Variants in PRDM16 observed in about 807,000 individuals in gnomAD.
The protein encoded by PRDM16 is histone-lysine N-methyltransferase PRDM16.
PRDM16 carries 23 observed loss-of-function variants against 110.6 expected under a neutral mutation model. The ratio of observed to expected loss-of-function variants is 0.21; its 90% CI spans 0.15 to 0.29. The LOEUF (loss-of-function observed/expected upper bound fraction) is 0.29. PRDM16 is among the 10% of genes least tolerant of loss of function. The pLI, the probability that PRDM16 is intolerant of heterozygous loss-of-function variation, is 1.00. For missense variants in PRDM16, 1,615 were observed against 1,794.3 expected (o/e 0.90, Z 1.81); for synonymous variants, 799 against 781.8 (o/e 1.02, Z -0.37).
chr1:3,400,602 C>T (rs750099971), intron 5 of PRDM16, among the ~76,000 whole-genome samples: 4 of 152,158 alleles, frequency 2.6e-5, no homozygotes, highest in Admixed American at 6.5e-5. Flanking sequence ...AGGTTTGGGA[C>T]GGAGCCCTCC....
chr1:3,435,515 T>G lies in PRDM16; in HGVS notation c.*1704T>G. 1 of 231,786 alleles carries G rather than the reference T, an allele frequency of 4.3e-6. No homozygotes were observed. Among genetic ancestry groups the G allele is most frequent in the Non-Finnish European group, 8.5e-6 (1 of 117,102 alleles). The allele number at this position is 231,786 out of a possible 1,614,324, so 14.4% of individuals were successfully genotyped here. On this transcript the variant is annotated 3_prime_UTR_variant, in exon 17 of 17. Coordinates refer to ENST00000270722, the MANE Select transcript of PRDM16 (RefSeq NM_022114.4). ...ACATTTGCATTTAAGACAAGTGTTCTATTTATTTCTTGTATTGTTTGGAAG... is the reference window on the plus strand; with the variant it reads ...ACATTTGCATTTAAGACAAGTGTTCGATTTATTTCTTGTATTGTTTGGAAG...
intron 2 of PRDM16, among the ~76,000 whole-genome samples, chr1:3,242,204 T>G (rs187202750): frequency 1.5e-3 from 235 of 152,298 alleles, no homozygotes; most frequent in Non-Finnish European, 2.3e-3. Flanking sequence ...GCCCTCTCGC[T>G]GGTGGTGTCT....
At position 3,162,703 on chromosome 1, in the gene PRDM16, C is replaced by T. The variant is rs186071928; in HGVS notation, c.38-23422C>T. Among the ~76,000 whole-genome samples the T allele has an allele frequency of 4.7e-3, 714 of 152,336 alleles. 4 individuals carry two copies. Among genetic ancestry groups the T allele is most frequent in the African/African-American group, 0.016 (667 of 41,566 alleles). ...GGTGTGGAAAACGCGGAGCCAGGCTCGGTCGGCAGCCACGCCCCCTCCTTC... is the reference window on the plus strand; with the variant it reads ...GGTGTGGAAAACGCGGAGCCAGGCTTGGTCGGCAGCCACGCCCCCTCCTTC... On this transcript the variant is annotated intron_variant, in intron 1 of 16. Coordinates refer to ENST00000270722, the MANE Select transcript of PRDM16 (RefSeq NM_022114.4).
chr1:3,291,706 C>T (rs1045719643), intron 3 of PRDM16, among the ~76,000 whole-genome samples: 4 of 152,254 alleles, frequency 2.6e-5, no homozygotes, highest in Admixed American at 6.5e-5. Context: ...CTTGGCAGTG[C>T]GGGGGAGCTT....
rs939647926 is a variant in PRDM16 at position 3,434,846 on chromosome 1, G to T, written c.*1035G>T. On this transcript the variant is annotated 3_prime_UTR_variant, in exon 17 of 17. Transcript: ENST00000270722. ...CCCAGCGCCGTCCTCTGAAGGCAGG[G>T]CCTTGGCCACGTCCTGGGTCTCCCA... 1 of 232,278 alleles carries T rather than the reference G, an allele frequency of 4.3e-6. No homozygotes were observed. Among genetic ancestry groups the T allele is most frequent in the African/African-American group, 2.2e-5 (1 of 45,418 alleles). 14.4% of individuals were successfully genotyped at this position (232,278 alleles called of 1,614,324 possible).
At chr1:3,181,047 CAGTCTTACACG>C (rs1477915628) in intron 1 of PRDM16, among the ~76,000 whole-genome samples, 1 of 113,088 alleles carries the variant, frequency 8.8e-6, no homozygotes, top group Non-Finnish European at 2.1e-5. Context: ...CTTACACACG[CAGTCTTACACG>C]CGGTCTTACA....
rs1644200672 is a variant in PRDM16, at chr1:3,181,711, C to CACAAGCAGTCTT, written c.38-4411_38-4410insAGCAGTCTTACA. Reference sequence around the variant, plus strand: ...ACACACGGTCTTACACACGGTCTTACACACGCAGTCTTACACACGGTCTTA... The same window carrying CACAAGCAGTCTT: ...ACACACGGTCTTACACACGGTCTTACACAAGCAGTCTTACACGCAGTCTTACACACGGTCTTA... On this transcript the variant is annotated intron_variant, in intron 1 of 16. Transcript: ENST00000270722. Among the ~76,000 whole-genome samples the CACAAGCAGTCTT allele has an allele frequency of 3.9e-5, 5 of 128,082 alleles. No individual in the cohort carries two copies. The East Asian group carries it at 9.2e-4, about 24-fold the overall frequency. 84.0% of individuals were successfully genotyped at this position (128,082 alleles called of 152,430 possible). A position where few individuals can be genotyped will look rare whatever the true frequency, so the allele number is the denominator to read the frequency against.
intron 3 of PRDM16, among the ~76,000 whole-genome samples, chr1:3,288,425 A>T (rs542656040): frequency 6.6e-6 from 1 of 152,272 alleles, no homozygotes; most frequent in East Asian, 1.9e-4. Context: ...CCACGGCTGG[A>T]AGGGAACGCC....
intron 3 of PRDM16, among the ~76,000 whole-genome samples, chr1:3,321,687 G>A (rs536004424): frequency 6.6e-5 from 10 of 151,572 alleles, no homozygotes; most frequent in Admixed American, 6.6e-4. Context: ...GTGTGTGGGT[G>A]CACGTGTGTG....
At chr1:3,237,848 G>T (rs1269733015) in intron 2 of PRDM16, 1 of 152,392 alleles carries the variant, frequency 6.6e-6, no homozygotes, top group African/African-American at 2.4e-5. Flanking sequence ...GGGCCAGGCG[G>T]TGGCAGCCCT....
intron 3 of PRDM16, among the ~76,000 whole-genome samples, chr1:3,313,631 C>G (rs191026284): frequency 3.3e-5 from 5 of 152,244 alleles, no homozygotes; most frequent in South Asian, 2.1e-4. Context: ...CGAGGCCGTG[C>G]GGACCCCGCT....
At chr1:3,268,687 G>T (rs1486140613) in intron 3 of PRDM16, among the ~76,000 whole-genome samples, 1 of 152,240 alleles carries the variant, frequency 6.6e-6, no homozygotes, top group Non-Finnish European at 1.5e-5. Flanking sequence ...GCACAAGGGT[G>T]TGGGAACCCC....
At chr1:3,270,328 G>A (rs1640412761) in intron 3 of PRDM16, among the ~76,000 whole-genome samples, 1 of 149,166 alleles carries the variant, frequency 6.7e-6, no homozygotes, top group South Asian at 2.1e-4. Flanking sequence ...AGTCCAAGAG[G>A]ATGACAGTCA....
At chr1:3,195,437 C>T (rs183659965) in intron 2 of PRDM16, among the ~76,000 whole-genome samples, 272 of 152,280 alleles carry the variant, frequency 1.8e-3, no homozygotes, top group African/African-American at 6.1e-3. Flanking sequence ...GTAATAACTC[C>T]GCTGCAGCCC....
intron 3 of PRDM16, among the ~76,000 whole-genome samples, chr1:3,337,163 A>G (rs1178422849): frequency 7.6e-6 from 1 of 132,376 alleles, no homozygotes; most frequent in African/African-American, 2.9e-5. Flanking sequence ...GAATCTGTGT[A>G]CATCTGTGAG....
intron 1 of PRDM16, among the ~76,000 whole-genome samples, chr1:3,181,394 GCATGGTCTTACACACGCA>G (rs1644177643): frequency 4.3e-4 from 2 of 4,602 alleles, no homozygotes; most frequent in Admixed American, 3.6e-3. Flanking sequence ...ACGGCCTTAC[GCATGGTCTTACACACGCA>G]GTCTTACACA....
chr1:3,431,200 C>T (rs1638758425), intron 15 of PRDM16, 92 bp downstream of exon 15: 1 of 1,485,958 alleles, frequency 6.7e-7, no homozygotes, highest in Non-Finnish European at 9.0e-7. Context: ...CTCGTGAGCC[C>T]ATCCCTGGCT....
At chr1:3,074,080 C>T (rs1046875552) in intron 1 of PRDM16, among the ~76,000 whole-genome samples, 4 of 152,210 alleles carry the variant, frequency 2.6e-5, no homozygotes, top group African/African-American at 9.6e-5. Context: ...GGGGGTCTGG[C>T]TTTCCAGGGT....
rs1230993541 is a variant in PRDM16, at chr1:3,434,505, G to A, written c.*694G>A. 2 of 231,580 alleles carry A rather than the reference G, an allele frequency of 8.6e-6. No individual in the cohort carries two copies. The highest frequency in any genetic ancestry group is 8.5e-6 in the Non-Finnish European group (1 of 117,118). The allele number at this position is 231,580 out of a possible 1,614,324, so 14.3% of individuals were successfully genotyped here. On this transcript the variant is annotated 3_prime_UTR_variant, in exon 17 of 17. Transcript: ENST00000270722. Reference sequence around the variant, plus strand: ...TTTGTATAAGCCAAGGTGATGCTGGGTGCCCCGAGGCAGAACAAGAGGCGC... The same window carrying A: ...TTTGTATAAGCCAAGGTGATGCTGGATGCCCCGAGGCAGAACAAGAGGCGC...
Sources: gnomAD v4.1 joint callset for allele counts (sites outside exome capture counted in the v4.1 genomes callset) on GRCh38, gnomAD v4.1.1 for gene constraint, MANE v1.5 for transcripts, NCBI Gene and HGNC (gene_info 2026-07-23, HGNC 2026-07-21) for gene names.